NPAS3: variants seen among roughly 807,000 people sequenced by gnomAD.
The protein encoded by NPAS3 is neuronal PAS domain protein 3.
A neutral mutation model predicts 73.1 loss-of-function variants in NPAS3; 14 were observed. The observed-to-expected ratio is 0.19, with a 90% CI of 0.13 to 0.30. NPAS3 has a LOEUF of 0.30. NPAS3 is among the 10% of genes least tolerant of loss of function. The pLI is 1.00. For synonymous variants in NPAS3, 620 were observed against 541.5 expected, an observed-to-expected ratio of 1.14 and a Z score of -2.01; for missense variants, 1,096 against 1,250.0, an observed-to-expected ratio of 0.88 and a Z score of 1.86.
intron 6 of NPAS3, among the ~76,000 whole-genome samples, chr14:33,694,677 T>A (rs1052742671): frequency 6.6e-6 from 1 of 152,178 alleles, no homozygotes; most frequent in Admixed American, 6.6e-5. Flanking sequence ...GGTACCAGTG[T>A]TTACATGGAG....
At chr14:33,536,076 C>CT (rs1245738357) in intron 4 of NPAS3, among the ~76,000 whole-genome samples, 1 of 152,150 alleles carries the variant, frequency 6.6e-6, no homozygotes, top group Non-Finnish European at 1.5e-5. Flanking sequence ...CTAACCCCTA[C>CT]TAGTGCTAAT....
intron 6 of NPAS3, among the ~76,000 whole-genome samples, chr14:33,686,728 G>T (rs1384286912): frequency 1.3e-5 from 2 of 152,136 alleles, no homozygotes; most frequent in Non-Finnish European, 2.9e-5. Context: ...TGGCACCAGA[G>T]CCCCCATACT....
chr14:33,656,592 G>A (rs550845931), intron 5 of NPAS3, among the ~76,000 whole-genome samples: 2 of 152,236 alleles, frequency 1.3e-5, no homozygotes, highest in African/African-American at 2.4e-5. Flanking sequence ...AATTGAAATT[G>A]TGTGTATTTG....
intron 3 of NPAS3, among the ~76,000 whole-genome samples, chr14:33,292,223 T>G (rs922024692): frequency 6.6e-6 from 1 of 152,196 alleles, no homozygotes; most frequent in Admixed American, 6.5e-5. Flanking sequence ...GGCTACCCGT[T>G]GCACCAACCA....
chr14:33,088,298 C>A (rs1461915652), intron 2 of NPAS3, among the ~76,000 whole-genome samples: 1 of 152,214 alleles, frequency 6.6e-6, no homozygotes, highest in Non-Finnish European at 1.5e-5. Flanking sequence ...CCAAGGGAAG[C>A]TGTGACAGAT....
At chr14:33,499,764 C>G (rs1227267577) in intron 4 of NPAS3, among the ~76,000 whole-genome samples, 1 of 151,970 alleles carries the variant, frequency 6.6e-6, no homozygotes, top group African/African-American at 2.4e-5. Flanking sequence ...CTGAACAGCG[C>G]CCCACACACT....
chr14:33,359,959 A>G (rs1368995281), intron 3 of NPAS3, among the ~76,000 whole-genome samples: 2 of 152,250 alleles, frequency 1.3e-5, no homozygotes, highest in African/African-American at 4.8e-5. Flanking sequence ...GTTCAAAACT[A>G]GAACCTGGAG....
chr14:33,291,477 T>G (rs1303460235), intron 3 of NPAS3, among the ~76,000 whole-genome samples: 2 of 152,196 alleles, frequency 1.3e-5, no homozygotes, highest in Non-Finnish European at 2.9e-5. Flanking sequence ...ATTTTATCAT[T>G]GTGGCCTGGA....
At chr14:33,175,902 G>C (rs1424106067) in intron 2 of NPAS3, among the ~76,000 whole-genome samples, 1 of 151,994 alleles carries the variant, frequency 6.6e-6, no homozygotes, top group Non-Finnish European at 1.5e-5. Context: ...TAGTATTTGA[G>C]TCTGGTTTTA....
chr14:33,592,913 A>C (rs2057117779), intron 5 of NPAS3, among the ~76,000 whole-genome samples: 1 of 152,044 alleles, frequency 6.6e-6, no homozygotes, highest in African/African-American at 2.4e-5. Flanking sequence ...TTCTTCAGTA[A>C]CTCACTCAGT....
chr14:33,146,690 G>T (rs944043091), intron 2 of NPAS3, among the ~76,000 whole-genome samples: 8 of 152,214 alleles, frequency 5.3e-5, no homozygotes, highest in African/African-American at 1.9e-4. Flanking sequence ...GCAGTACAGT[G>T]CCTAGCACAG....
intron 3 of NPAS3, among the ~76,000 whole-genome samples, chr14:33,283,989 T>C (rs2041748315): frequency 6.6e-6 from 1 of 152,218 alleles, no homozygotes. Flanking sequence ...TGTTTAATAC[T>C]TTGTTTATCT....
chr14:33,024,427 C>A (rs2039727770), intron 1 of NPAS3, among the ~76,000 whole-genome samples: 1 of 152,048 alleles, frequency 6.6e-6, no homozygotes, highest in African/African-American at 2.4e-5. Flanking sequence ...GCCTCGGCCT[C>A]CCAAAGTGCT....
At chr14:33,458,895 T>A (rs899814202) in intron 4 of NPAS3, among the ~76,000 whole-genome samples, 1 of 152,164 alleles carries the variant, frequency 6.6e-6, no homozygotes, top group African/African-American at 2.4e-5. Context: ...CAAGAAATAA[T>A]TCAGGGCAAG....
At chr14:33,802,376 T>TAAAAAAAAAA (rs71293230), downstream of NPAS3, 81 of 95,156 alleles carry the variant, frequency 8.5e-4, no homozygotes, top group East Asian at 2.5e-3. Context: ...GCACATTAAG[T>TAAAAAAAAAA]AAAAAAAAAA....
intron 3 of NPAS3, among the ~76,000 whole-genome samples, chr14:33,240,428 A>G (rs2048177571): frequency 6.6e-6 from 1 of 151,782 alleles, no homozygotes; most frequent in Non-Finnish European, 1.5e-5. Context: ...GCTGTATTAA[A>G]TAATAATTGG....
intron 5 of NPAS3, among the ~76,000 whole-genome samples, chr14:33,668,396 T>C (rs1397078031): frequency 6.6e-6 from 1 of 152,258 alleles, no homozygotes; most frequent in Non-Finnish European, 1.5e-5. Context: ...TCTAAGGTTT[T>C]AGTCATATAA....
At chr14:33,011,892 G>A (rs375203580) in intron 1 of NPAS3, among the ~76,000 whole-genome samples, 26 of 152,132 alleles carry the variant, frequency 1.7e-4, no homozygotes, top group African/African-American at 4.3e-4. Flanking sequence ...TTCAGGTTTC[G>A]AAAGGCCAGG....
chr14:33,365,375 G>A (rs1415940910), intron 3 of NPAS3, among the ~76,000 whole-genome samples: 1 of 152,010 alleles, frequency 6.6e-6, no homozygotes, highest in African/African-American at 2.4e-5. Context: ...TGTTAGAATA[G>A]GAAATTAATC....
Sources: allele counts gnomAD v4.1 joint callset (sites outside exome capture counted in the v4.1 genomes callset), GRCh38; gene constraint gnomAD v4.1.1; transcripts MANE v1.5; gene names NCBI Gene and HGNC (gene_info 2026-07-23, HGNC 2026-07-21).